GABRA3: variants seen among roughly 807,000 people sequenced by gnomAD.
The protein encoded by GABRA3 is gamma-aminobutyric acid receptor subunit alpha-3.
Under a neutral mutation model 30.1 loss-of-function variants are expected in GABRA3, and 10 were observed. The observed-to-expected ratio is 0.33, with a 90% CI of 0.20 to 0.56. The LOEUF (loss-of-function observed/expected upper bound fraction) is 0.56, where lower values mean the gene tolerates loss of function less well. GABRA3 is among the 20% of genes least tolerant of loss of function. GABRA3 has a pLI of 0.89. For missense variants in GABRA3, 233 were observed against 392.0 expected, an observed-to-expected ratio of 0.59 and a Z score of 3.42; for synonymous variants, 151 against 146.8, an observed-to-expected ratio of 1.03 and a Z score of -0.21.
At chrX:152,381,026 G>A in intron 1 of GABRA3, among the ~76,000 whole-genome samples, 1 of 111,288 alleles carries the variant, frequency 9.0e-6, no homozygotes. Flanking sequence ...GTTCCTAGGA[G>A]AGTGAATTGT....
rs1408157470 is a variant in GABRA3 at position 152,360,584 on chromosome X, T to C, written c.140+3847A>G. 4.1e-5 allele frequency among the ~76,000 whole-genome samples: 3 copies of C among 73,462 alleles called. No homozygotes were observed. In the Admixed American group the frequency reaches 4.8e-4, roughly 12 times the overall value. 63.8% of individuals were successfully genotyped at this position (73,462 alleles called of 115,157 possible). On this transcript the variant is annotated intron_variant, in intron 2 of 9. Transcript: ENST00000370314. ...AGGGGGGAGGGATAGCATTGGGAGA[T>C]ATACCTAATGCTAGATGACACGTTA... is the stretch of plus-strand genomic sequence containing the variant.
At chrX:152,344,988 T>G (rs1296602802) in intron 3 of GABRA3, among the ~76,000 whole-genome samples, 1 of 111,964 alleles carries the variant, frequency 8.9e-6, no homozygotes, top group Non-Finnish European at 1.9e-5. Context: ...TTTACCTTAT[T>G]GTGATCATAT....
chrX:152,397,982 T>C (rs1247443470), intron 1 of GABRA3, among the ~76,000 whole-genome samples: 1 of 112,116 alleles, frequency 8.9e-6, no homozygotes, highest in Non-Finnish European at 1.9e-5. Context: ...AAGGCTACCC[T>C]GACTGTTAGG....
At chrX:152,287,653 T>C (rs1346941815) in intron 3 of GABRA3, among the ~76,000 whole-genome samples, 1 of 111,712 alleles carries the variant, frequency 9.0e-6, no homozygotes, top group Non-Finnish European at 1.9e-5. Context: ...ACAATGGTTA[T>C]GGTGGGACTC....
At chrX:152,388,617 A>T (rs1929391828) in intron 1 of GABRA3, among the ~76,000 whole-genome samples, 1 of 112,507 alleles carries the variant, frequency 8.9e-6, no homozygotes, top group South Asian at 3.6e-4. Flanking sequence ...TAGTGAAGTA[A>T]TGATGTTTTC....
chrX:152,234,613 T>C (rs916675899), intron 5 of GABRA3, among the ~76,000 whole-genome samples: 2 of 111,676 alleles, frequency 1.8e-5, no homozygotes, highest in African/African-American at 6.5e-5. Flanking sequence ...GATCTTACAT[T>C]TGAGTCTTTA....
chrX:152,433,453 C>T (rs1344693974), intron 1 of GABRA3, among the ~76,000 whole-genome samples: 6 of 107,346 alleles, frequency 5.6e-5, no homozygotes, highest in African/African-American at 2.0e-4. Context: ...TTACAGATAT[C>T]AATTAGAAAA....
At chrX:152,365,326 AG>A (rs1291829059) in intron 1 of GABRA3, among the ~76,000 whole-genome samples, 1 of 111,678 alleles carries the variant, frequency 9.0e-6, no homozygotes, top group Non-Finnish European at 1.9e-5. Context: ...TCCTTTAGAT[AG>A]GGGACACAAC....
intron 9 of GABRA3, chrX:152,186,890 C>A (rs1937263119): frequency 9.0e-6 from 1 of 111,169 alleles, no homozygotes; most frequent in Non-Finnish European, 1.9e-5. Context: ...CCACCACATC[C>A]AGCCTGCTTC....
chrX:152,331,580 C>T (rs188676635), intron 3 of GABRA3, among the ~76,000 whole-genome samples: 2 of 112,066 alleles, frequency 1.8e-5, no homozygotes, highest in East Asian at 5.6e-4. Context: ...TCAAATACCA[C>T]ACTTAATTTC....
At chrX:152,401,137 GT>G (rs1402374752) in intron 1 of GABRA3, among the ~76,000 whole-genome samples, 1 of 110,831 alleles carries the variant, frequency 9.0e-6, no homozygotes, top group Admixed American at 9.6e-5. Context: ...TAAAACGTGT[GT>G]TTTTTTAAAC....
intron 1 of GABRA3, chrX:152,389,458 C>T (rs1403243157): frequency 9.0e-6 from 1 of 111,521 alleles, no homozygotes; most frequent in Non-Finnish European, 1.9e-5. Context: ...GATCCCACGG[C>T]ACATTCCCAG....
intron 1 of GABRA3, among the ~76,000 whole-genome samples, chrX:152,398,308 G>A (rs1464668831): frequency 9.6e-6 from 1 of 104,284 alleles, no homozygotes; most frequent in Non-Finnish European, 1.9e-5. Flanking sequence ...GTTCCTAAGG[G>A]CCAGGCCCAC....
At chrX:152,238,049 G>C (rs1342215774) in intron 5 of GABRA3, among the ~76,000 whole-genome samples, 4 of 107,855 alleles carry the variant, frequency 3.7e-5, no homozygotes, top group South Asian at 4.0e-4. Flanking sequence ...AGTGGTGAGA[G>C]AGGGCATCCC....
chrX:152,315,187 T>C (rs748886199), intron 3 of GABRA3, among the ~76,000 whole-genome samples: 3 of 111,415 alleles, frequency 2.7e-5, no homozygotes, highest in African/African-American at 9.8e-5. Flanking sequence ...GTGCCCAAAC[T>C]GTGAAAGTGA....
intron 1 of GABRA3, among the ~76,000 whole-genome samples, chrX:152,374,332 CTTTTCTTTT>C (rs1408484078): frequency 5.5e-5 from 4 of 72,673 alleles, no homozygotes; most frequent in Non-Finnish European, 9.8e-5. Context: ...TTTTTCTTTT[CTTTTCTTTT>C]TTTTTTTTTT....
chrX:152,175,995 T>C (rs904811064), intron 9 of GABRA3, among the ~76,000 whole-genome samples: 34 of 108,788 alleles, frequency 3.1e-4, no homozygotes, highest in African/African-American at 1.1e-3. Context: ...ACCCAGGAAA[T>C]GGAGGTTGCA....
intron 3 of GABRA3, among the ~76,000 whole-genome samples, chrX:152,331,726 G>C (rs755143197): frequency 2.7e-5 from 3 of 111,361 alleles, no homozygotes; most frequent in Non-Finnish European, 5.7e-5. Context: ...TAAAGGGACA[G>C]GAAGAGATTT....
chrX:152,403,846 A>T (rs963021677), intron 1 of GABRA3, among the ~76,000 whole-genome samples: 1 of 111,192 alleles, frequency 9.0e-6, no homozygotes, highest in Non-Finnish European at 1.9e-5. Flanking sequence ...ATCAAAGTTC[A>T]GGGCTTTATA....
Sources: gnomAD v4.1 joint callset for allele counts (sites outside exome capture counted in the v4.1 genomes callset) on GRCh38, gnomAD v4.1.1 for gene constraint, MANE v1.5 for transcripts, NCBI Gene and HGNC (gene_info 2026-07-23, HGNC 2026-07-21) for gene names.